The following DIAPH2 variants were observed in gnomAD, a reference collection of about 807,000 sequenced individuals.
The protein encoded by DIAPH2 is diaphanous related formin 2.
Under a neutral mutation model 92.7 loss-of-function variants are expected in DIAPH2, and 35 were observed. The observed-to-expected ratio is 0.38, with a 90% CI of 0.29 to 0.50. The LOEUF (loss-of-function observed/expected upper bound fraction) is 0.50, where lower values mean the gene tolerates loss of function less well. DIAPH2 is among the 20% of genes least tolerant of loss of function. DIAPH2 has a pLI of 0.94. For missense variants in DIAPH2, 701 were observed against 819.5 expected (o/e 0.86, Z 1.77); for synonymous variants, 301 against 280.4 (o/e 1.07, Z -0.73).
Position 96,741,474 on chromosome X carries a change from A to AT in DIAPH2, c.342+2731dup, listed in dbSNP as rs139362386. Among the ~76,000 whole-genome samples the AT allele has an allele frequency of 3.1e-3, 218 of 70,093 alleles. 2 individuals carry two copies. Among genetic ancestry groups the AT allele is most frequent in the African/African-American group, 6.4e-3 (113 of 17,610 alleles). 60.9% of individuals were successfully genotyped at this position (70,093 alleles called of 115,157 possible). On this transcript the variant is annotated intron_variant, in intron 3 of 26. Coordinates refer to ENST00000324765, the MANE Select transcript of DIAPH2 (RefSeq NM_006729.5). ...TGGTCAATTCTCAGTTCTCATCTTA[A>AT]TTTTTTTTTTTTTTTTTTTGAGACA...
At chrX:97,494,087 A>G (rs2070742316) in intron 26 of DIAPH2, among the ~76,000 whole-genome samples, 1 of 92,653 alleles carries the variant, frequency 1.1e-5, no homozygotes, top group Admixed American at 1.3e-4. Flanking sequence ...GTATGTATAT[A>G]TTTGTGTGTA....
chrX:97,104,555 T>A (rs1014156870), intron 20 of DIAPH2, among the ~76,000 whole-genome samples: 2 of 109,846 alleles, frequency 1.8e-5, no homozygotes, highest in East Asian at 2.9e-4. Flanking sequence ...TTTTTAAAAA[T>A]TTTTCTGTAC....
intron 26 of DIAPH2, among the ~76,000 whole-genome samples, chrX:97,484,783 G>A (rs368145747): frequency 1.6e-3 from 177 of 111,819 alleles, no homozygotes; most frequent in Non-Finnish European, 3.0e-3. Flanking sequence ...TGTAGTCCCA[G>A]CTACTCAGGA....
chrX:97,398,481 C>G (rs1279642083), intron 25 of DIAPH2, among the ~76,000 whole-genome samples: 1 of 110,721 alleles, frequency 9.0e-6, no homozygotes, highest in Non-Finnish European at 1.9e-5. Flanking sequence ...ACTGAGTAAC[C>G]CTGACAGTAG....
At chrX:97,293,167 T>G (rs983234209) in intron 23 of DIAPH2, among the ~76,000 whole-genome samples, 1 of 110,524 alleles carries the variant, frequency 9.0e-6, no homozygotes, top group Non-Finnish European at 1.9e-5. Context: ...TCCTACTCAA[T>G]ATCTCTCGTG....
At chrX:96,766,311 A>G (rs2064303780) in intron 4 of DIAPH2, among the ~76,000 whole-genome samples, 1 of 110,229 alleles carries the variant, frequency 9.1e-6, no homozygotes, top group African/African-American at 3.3e-5. Flanking sequence ...AAACTATTTC[A>G]TACCCATTGT....
intron 5 of DIAPH2, among the ~76,000 whole-genome samples, chrX:96,901,543 TTTTTTTTTTTTTTTTTG>T: frequency 1.6e-5 from 1 of 63,780 alleles, no homozygotes; most frequent in Non-Finnish European, 2.9e-5. Flanking sequence ...TTTTTTTTTT[TTTTTTTTTTTTTTTTTG>T]AGACAAGGGC....
At chrX:96,715,663 A>G (rs1219200116) in intron 1 of DIAPH2, among the ~76,000 whole-genome samples, 4 of 111,295 alleles carry the variant, frequency 3.6e-5, no homozygotes, top group Non-Finnish European at 5.7e-5. Flanking sequence ...CTTTATTTCT[A>G]TTTTAAGCTT....
chrX:96,912,595 C>G, intron 7 of DIAPH2, 43 bp downstream of exon 7: 1 of 1,129,188 alleles, frequency 8.9e-7, no homozygotes, highest in Non-Finnish European at 1.2e-6. Flanking sequence ...AAGGTGGGAA[C>G]TTGCCCAACA....
In DIAPH2 at chrX:97,600,097, A is replaced by T. The variant is rs748960898; in HGVS notation, c.*780A>T. 1 of 112,932 alleles carries T rather than the reference A, an allele frequency of 8.9e-6. No homozygotes were observed. The highest frequency in any genetic ancestry group is 9.4e-5 in the Admixed American group (1 of 10,625). 9.3% of individuals were successfully genotyped at this position (112,932 alleles called of 1,213,427 possible). The stretch of plus-strand genomic sequence containing the variant: ...TATCTACTTTATACAAATACTTTAT[A>T]TGGCTATTTTTGAGAAAACCCTCAC... On this transcript the variant is annotated 3_prime_UTR_variant, in exon 27 of 27. Transcript: ENST00000324765.
chrX:96,930,651 C>T, intron 9 of DIAPH2, 82 bp from the exon 10 acceptor site: 1 of 650,806 alleles, frequency 1.5e-6, no homozygotes, highest in Non-Finnish European at 2.4e-6. Flanking sequence ...GTGTGTATGC[C>T]TTTAGTGAAT....
intron 21 of DIAPH2, among the ~76,000 whole-genome samples, chrX:97,128,133 AC>A (rs1320480465): frequency 1.8e-5 from 2 of 111,074 alleles, no homozygotes; most frequent in Non-Finnish European, 3.8e-5. Flanking sequence ...AAAAATGGCT[AC>A]TCCATAGACA....
At position 97,348,103 on chromosome X, in the gene DIAPH2, A is replaced by G; in HGVS notation, c.2845-13A>G. On this transcript the variant is annotated splice_polypyrimidine_tract_variant and intron_variant, in intron 23 of 26. Transcript: ENST00000324765. ...AAGGTACTGTTGAGCCATGTTCCTT[A>G]ACAAAAAGCTACAGCTTTACAAAGA... 1 of 1,209,943 alleles carries G rather than the reference A, an allele frequency of 8.3e-7. No homozygotes were observed. Among genetic ancestry groups the G allele is most frequent in the Non-Finnish European group, 1.1e-6 (1 of 894,268 alleles).
At position 97,006,083 on chromosome X, in the gene DIAPH2, T is replaced by C. The variant is rs775648174; in HGVS notation, c.2050+40876T>C. On this transcript the variant is annotated intron_variant, in intron 17 of 26. Transcript: ENST00000324765. ...TTAACCAACTGGTCATTCAGGAGCA[T>C]ATTGTTCAATTTCCATGTTTTTGTA... Among the ~76,000 whole-genome samples the C allele has an allele frequency of 5.4e-5, 6 of 111,127 alleles. No individual in the cohort carries two copies. The East Asian group carries it at 1.4e-3, about 26-fold the overall frequency.
At chrX:96,929,164 C>G (rs1232119871) in intron 9 of DIAPH2, among the ~76,000 whole-genome samples, 2 of 111,319 alleles carry the variant, frequency 1.8e-5, no homozygotes, top group African/African-American at 6.5e-5. Flanking sequence ...GTCATTCAAG[C>G]AAATACAATG....
At chrX:97,417,075 A>G (rs1399597602) in intron 25 of DIAPH2, among the ~76,000 whole-genome samples, 1 of 112,062 alleles carries the variant, frequency 8.9e-6, no homozygotes, top group Non-Finnish European at 1.9e-5. Context: ...TCTTCCCAAG[A>G]TGTTATTACA....
chrX:97,144,535 A>G (rs947067925), intron 22 of DIAPH2, among the ~76,000 whole-genome samples: 1 of 110,451 alleles, frequency 9.1e-6, no homozygotes, highest in Admixed American at 9.7e-5. Flanking sequence ...GTAGCAATAT[A>G]TCATATGTAC....
intron 26 of DIAPH2, among the ~76,000 whole-genome samples, chrX:97,499,647 C>T (rs1033284939): frequency 2.7e-5 from 3 of 111,953 alleles, no homozygotes; most frequent in Admixed American, 9.5e-5. Flanking sequence ...CACCTGTACT[C>T]ATATGTTTAT....
intron 24 of DIAPH2, among the ~76,000 whole-genome samples, chrX:97,352,080 G>T (rs899882206): frequency 9.0e-6 from 1 of 110,668 alleles, no homozygotes; most frequent in African/African-American, 3.3e-5. Flanking sequence ...TGTGTGTTTG[G>T]CCTCAGGGTT....
Sources: gnomAD v4.1 joint callset for allele counts (sites outside exome capture counted in the v4.1 genomes callset) on GRCh38, gnomAD v4.1.1 for gene constraint, MANE v1.5 for transcripts, NCBI Gene and HGNC (gene_info 2026-07-23, HGNC 2026-07-21) for gene names.